The following ANO4 variants were observed in gnomAD, a reference collection of about 807,000 sequenced individuals.
ANO4 encodes the protein anoctamin-4.
A neutral mutation model predicts 141.9 loss-of-function variants in ANO4; 69 were observed. That is an observed-to-expected ratio of 0.49 (90% confidence interval 0.40 to 0.59). The LOEUF is 0.59. Ranked by LOEUF, ANO4 falls within the 20% of genes least tolerant of loss-of-function variation. ANO4 has a pLI of 0.00. For missense variants in ANO4, 894 were observed against 1,162.2 expected, an observed-to-expected ratio of 0.77 and a Z score of 3.36; for synonymous variants, 350 against 394.3, an observed-to-expected ratio of 0.89 and a Z score of 1.33.
chr12:101,028,923 G>A (rs994013747), intron 9 of ANO4, among the ~76,000 whole-genome samples: 1 of 152,172 alleles, frequency 6.6e-6, no homozygotes, highest in African/African-American at 2.4e-5. Flanking sequence ...GTTAAGGGCA[G>A]CCAGAGAGGA....
At chr12:101,094,869 C>T (rs2049918325) in intron 18 of ANO4, among the ~76,000 whole-genome samples, 1 of 152,146 alleles carries the variant, frequency 6.6e-6, no homozygotes, top group South Asian at 2.1e-4. Context: ...TACCTGTAGT[C>T]TCAGCTACTC....
chr12:101,004,327 A>G (rs966859552), intron 8 of ANO4, among the ~76,000 whole-genome samples: 1 of 151,898 alleles, frequency 6.6e-6, no homozygotes, highest in African/African-American at 2.4e-5. Context: ...ACTCCTGGGG[A>G]GGAGATTCTG....
At chr12:100,742,071 G>A (rs1031777060) in intron 3 of ANO4, among the ~76,000 whole-genome samples, 4 of 152,118 alleles carry the variant, frequency 2.6e-5, no homozygotes, top group Middle Eastern at 3.4e-3. Context: ...CATTCCTGGG[G>A]ACTTTCCATT....
At chr12:100,914,889 A>C (rs182306285) in intron 2 of ANO4, among the ~76,000 whole-genome samples, 1 of 152,264 alleles carries the variant, frequency 6.6e-6, no homozygotes, top group Non-Finnish European at 1.5e-5. Flanking sequence ...ATCATAGCTC[A>C]CTTCAGCCTC....
chr12:101,039,619 G>C (rs960403536), intron 10 of ANO4, among the ~76,000 whole-genome samples: 2 of 152,166 alleles, frequency 1.3e-5, no homozygotes, highest in African/African-American at 4.8e-5. Context: ...AACCAAATGG[G>C]ACAAATATTA....
At chr12:101,113,071 C>T (rs1385536812) in intron 24 of ANO4, among the ~76,000 whole-genome samples, 1 of 152,120 alleles carries the variant, frequency 6.6e-6, no homozygotes, top group Non-Finnish European at 1.5e-5. Context: ...GCATTATAAT[C>T]TTCACTTTGA....
chr12:100,920,644 A>C (rs911842469), intron 2 of ANO4, among the ~76,000 whole-genome samples: 5 of 152,238 alleles, frequency 3.3e-5, no homozygotes, highest in African/African-American at 1.2e-4. Flanking sequence ...CAGACTTTGC[A>C]ATGAGGCAGC....
intron 1 of ANO4, among the ~76,000 whole-genome samples, chr12:100,875,161 C>T (rs2039235498): frequency 6.6e-6 from 1 of 152,098 alleles, no homozygotes; most frequent in South Asian, 2.1e-4. Context: ...TTTGTGCCTG[C>T]CCACCTCATG....
intron 8 of ANO4, among the ~76,000 whole-genome samples, chr12:101,007,972 T>G (rs895574414): frequency 6.6e-6 from 1 of 152,158 alleles, no homozygotes; most frequent in Non-Finnish European, 1.5e-5. Flanking sequence ...ATGAGGCGAC[T>G]TCCCTCAAAA....
chr12:100,929,770 C>T (rs2136131500), intron 3 of ANO4, among the ~76,000 whole-genome samples: 1 of 152,264 alleles, frequency 6.6e-6, no homozygotes, highest in Non-Finnish European at 1.5e-5. Flanking sequence ...TCCTTGCCAG[C>T]AGTTGTTATT....
chr12:101,090,347 C>G (rs1368821836), intron 17 of ANO4, among the ~76,000 whole-genome samples: 1 of 152,112 alleles, frequency 6.6e-6, no homozygotes, highest in Non-Finnish European at 1.5e-5. Context: ...TGGAACCAAC[C>G]CAAATCTCCA....
intron 1 of ANO4, among the ~76,000 whole-genome samples, chr12:100,812,989 T>G (rs2035534939): frequency 6.6e-6 from 1 of 152,214 alleles, no homozygotes; most frequent in South Asian, 2.1e-4. Flanking sequence ...TGTGTATTGT[T>G]TATCTCAAAT....
intron 5 of ANO4, among the ~76,000 whole-genome samples, chr12:100,965,349 C>T (rs1306359706): frequency 6.6e-6 from 1 of 152,106 alleles, no homozygotes; most frequent in Non-Finnish European, 1.5e-5. Context: ...TCCTTTCGTT[C>T]TGGTTCTAAC....
intron 22 of ANO4, among the ~76,000 whole-genome samples, chr12:101,108,319 G>A (rs1034281023): frequency 1.3e-5 from 2 of 152,162 alleles, no homozygotes; most frequent in African/African-American, 4.8e-5. Context: ...ACCAAAGACA[G>A]GGGACACCTG....
At chr12:101,099,049 G>T (rs980152650) in intron 21 of ANO4, among the ~76,000 whole-genome samples, 3 of 152,128 alleles carry the variant, frequency 2.0e-5, no homozygotes, top group Non-Finnish European at 4.4e-5. Flanking sequence ...CATTTTACTG[G>T]GAGTCAGAGT....
At chr12:100,880,293 G>A (rs1229116053) in intron 1 of ANO4, among the ~76,000 whole-genome samples, 1 of 152,138 alleles carries the variant, frequency 6.6e-6, no homozygotes, top group Non-Finnish European at 1.5e-5. Flanking sequence ...TAATAGCAGT[G>A]GTAGTAATAG....
intron 1 of ANO4, among the ~76,000 whole-genome samples, chr12:100,870,314 A>G (rs1170712688): frequency 2.0e-5 from 3 of 152,184 alleles, no homozygotes; most frequent in Admixed American, 6.5e-5. Context: ...TATGACTCCT[A>G]TTTTTAAAAG....
intron 1 of ANO4, among the ~76,000 whole-genome samples, chr12:100,895,082 A>G (rs1484031575): frequency 2.0e-5 from 3 of 151,920 alleles, no homozygotes; most frequent in Non-Finnish European, 4.4e-5. Context: ...AGGAAGGCGA[A>G]GCACTGGATT....
chr12:101,111,196 T>C (rs1279826985), intron 23 of ANO4, among the ~76,000 whole-genome samples: 1 of 151,030 alleles, frequency 6.6e-6, no homozygotes, highest in Admixed American at 6.7e-5. Flanking sequence ...CAGTGTGTTA[T>C]TGGCAGGGCC....
Sources: allele counts gnomAD v4.1 joint callset (sites outside exome capture counted in the v4.1 genomes callset), GRCh38; gene constraint gnomAD v4.1.1; transcripts MANE v1.5; gene names NCBI Gene and HGNC (gene_info 2026-07-23, HGNC 2026-07-21).